Variants in EEIG1 observed in about 807,000 individuals in gnomAD.
The protein encoded by EEIG1 is estrogen-induced osteoclastogenesis regulator 1.
At chr9:127,953,447 A>C in the EEIG1 span, 2 of 771,534 alleles carry the variant, frequency 2.6e-6, no homozygotes, top group Non-Finnish European at 4.4e-6. Context: ...ATTTCTAAAA[A>C]ATAACACATC....
chr9:127,961,876 C>G, the EEIG1 span, among the ~76,000 whole-genome samples: 1 of 152,086 alleles, frequency 6.6e-6, no homozygotes, highest in African/African-American at 2.4e-5. Context: ...GCCAGTGTAG[C>G]TGGGGCGGAG....
the EEIG1 span, chr9:127,944,766 G>C: frequency 6.2e-7 from 1 of 1,611,832 alleles, no homozygotes; most frequent in Non-Finnish European, 8.5e-7. Context: ...CACCAGCCCA[G>C]CACGGCTCAC....
At chr9:127,980,408 G>A in the EEIG1 span, 1 of 290,320 alleles carries the variant, frequency 3.4e-6, no homozygotes, top group Non-Finnish European at 6.4e-6. Flanking sequence ...AGCAGGGCAT[G>A]GCCCAGGAGG....
the EEIG1 span, chr9:127,943,059 G>A: frequency 7.1e-4 from 558 of 789,858 alleles, 3 homozygotes; most frequent in African/African-American, 8.2e-3. Context: ...GGGGAGTGTG[G>A]ACTGGAGTGC....
At chr9:127,955,700 A>T in the EEIG1 span, among the ~76,000 whole-genome samples, 2 of 152,202 alleles carry the variant, frequency 1.3e-5, no homozygotes, top group Non-Finnish European at 2.9e-5. Context: ...AGTTCCAAAG[A>T]GAGGAAACAG....
the EEIG1 span, among the ~76,000 whole-genome samples, chr9:127,946,605 C>A: frequency 5.9e-5 from 9 of 152,234 alleles, no homozygotes; most frequent in African/African-American, 2.2e-4. Flanking sequence ...CTACTTCACA[C>A]GAAGGCACCA....
the EEIG1 span, among the ~76,000 whole-genome samples, chr9:127,951,879 G>A: frequency 1.3e-5 from 2 of 151,908 alleles, no homozygotes; most frequent in African/African-American, 4.8e-5. Flanking sequence ...GCTTGCCCAG[G>A]GCCAAACAGC....
At chr9:127,979,965 T>G in the EEIG1 span, 1 of 1,600,940 alleles carries the variant, frequency 6.2e-7, no homozygotes, top group Non-Finnish European at 8.5e-7. Flanking sequence ...CCCCCGCTGC[T>G]GCAGGCGCGA....
the EEIG1 span, chr9:127,950,576 AG>A: frequency 6.2e-7 from 1 of 1,602,566 alleles, no homozygotes; most frequent in East Asian, 2.2e-5. Context: ...GGGCTGAGGG[AG>A]TGTGGGCTCC....
At chr9:127,973,160 C>G in the EEIG1 span, among the ~76,000 whole-genome samples, 22 of 152,248 alleles carry the variant, frequency 1.4e-4, no homozygotes, top group African/African-American at 5.1e-4. This position sits in a 1 kb window ranked among gnomAD's most constrained non-coding sequence, Gnocchi z 4.2. Flanking sequence ...TACTGCCTGT[C>G]CCCAGCAGCA....
chr9:127,965,878 CA>C, the EEIG1 span, among the ~76,000 whole-genome samples: 7 of 152,206 alleles, frequency 4.6e-5, no homozygotes, highest in Non-Finnish European at 1.0e-4. Flanking sequence ...GCCAGGGGTT[CA>C]GGGGGAGCAG....
the EEIG1 span, among the ~76,000 whole-genome samples, chr9:127,958,423 C>T: frequency 1.6e-4 from 24 of 152,086 alleles, no homozygotes; most frequent in Non-Finnish European, 2.9e-4. Flanking sequence ...CCAGCACTTT[C>T]GGAGGCCAAG....
At chr9:127,965,333 T>C in the EEIG1 span, among the ~76,000 whole-genome samples, 52 of 152,070 alleles carry the variant, frequency 3.4e-4, no homozygotes, top group Admixed American at 1.0e-3. Context: ...TCTCCAGAGA[T>C]CGCCAAATCA....
At chr9:127,945,770 G>C in the EEIG1 span, 1 of 1,529,462 alleles carries the variant, frequency 6.5e-7, no homozygotes, top group Non-Finnish European at 8.9e-7. The surrounding 1 kb of genome is among the most constrained non-coding windows in gnomAD (Gnocchi z 6.5). Flanking sequence ...GGCAGGAAGG[G>C]GCAGGGGGTG....
the EEIG1 span, among the ~76,000 whole-genome samples, chr9:127,973,618 G>A: frequency 1.3e-5 from 2 of 152,228 alleles, no homozygotes; most frequent in Non-Finnish European, 2.9e-5. The surrounding 1 kb of genome is among the most constrained non-coding windows in gnomAD (Gnocchi z 4.2). Context: ...GCCAGGCACA[G>A]TCACGGCAGC....
At chr9:127,967,357 C>T in the EEIG1 span, among the ~76,000 whole-genome samples, 1 of 152,216 alleles carries the variant, frequency 6.6e-6, no homozygotes, top group Non-Finnish European at 1.5e-5. Flanking sequence ...GAGATGGGTG[C>T]TGTCAGCCCA....
the EEIG1 span, among the ~76,000 whole-genome samples, chr9:127,946,553 G>A: frequency 6.6e-6 from 1 of 152,186 alleles, no homozygotes; most frequent in African/African-American, 2.4e-5. Flanking sequence ...CCAGAGGCAA[G>A]TGGGCACTCA....
At chr9:127,944,591 G>T in the EEIG1 span, 1 of 1,497,360 alleles carries the variant, frequency 6.7e-7, no homozygotes, top group Non-Finnish European at 9.3e-7. Flanking sequence ...CCGCCCCGAC[G>T]ACCCCTCCCT....
the EEIG1 span, among the ~76,000 whole-genome samples, chr9:127,978,986 C>T: frequency 6.6e-6 from 1 of 151,996 alleles, no homozygotes; most frequent in Admixed American, 6.6e-5. Flanking sequence ...CACTGCACTC[C>T]AGCCTGGGCA....
Sources: gnomAD v4.1 joint callset for allele counts (sites outside exome capture counted in the v4.1 genomes callset) on GRCh38, gnomAD v4.1.1 for gene constraint, Gnocchi (gnomAD v3.1) non-coding constraint, MANE v1.5 for transcripts, NCBI Gene and HGNC (gene_info 2026-07-23, HGNC 2026-07-21) for gene names.